The following STAG1 variants were observed in gnomAD, a reference collection of about 807,000 sequenced individuals.
STAG1 encodes the protein STAG1 cohesin complex component.
Under a neutral mutation model 170.9 loss-of-function variants are expected in STAG1, and 26 were observed. The ratio of observed to expected loss-of-function variants is 0.15; its 90% CI spans 0.11 to 0.21. The LOEUF is 0.21. Among genes scored for constraint, STAG1 ranks in the 10% least tolerant of loss-of-function variants. STAG1 has a pLI of 1.00. For synonymous variants in STAG1, 514 were observed against 497.7 expected, an observed-to-expected ratio of 1.03 and a Z score of -0.44; for missense variants, 964 against 1,509.5, an observed-to-expected ratio of 0.64 and a Z score of 5.99.
intron 9 of STAG1, among the ~76,000 whole-genome samples, chr3:136,490,510 A>G (rs1483207041): frequency 6.6e-6 from 1 of 152,206 alleles, no homozygotes; most frequent in African/African-American, 2.4e-5. Context: ...TTACGCCTTA[A>G]TATTTTACTA....
At chr3:136,442,499 A>G (rs1055019458) in intron 15 of STAG1, among the ~76,000 whole-genome samples, 1 of 152,212 alleles carries the variant, frequency 6.6e-6, no homozygotes, top group Non-Finnish European at 1.5e-5. Flanking sequence ...TACTTCAAAA[A>G]TTATCATGTG....
At chr3:136,714,981 TATATATATATTTTATATATATA>T (rs1943494998) in intron 1 of STAG1, among the ~76,000 whole-genome samples, 3 of 109,552 alleles carry the variant, frequency 2.7e-5, no homozygotes, top group African/African-American at 5.9e-5. Flanking sequence ...TATATATTTT[TATATATATATTTTATATATATA>T]ATATATATAT....
chr3:136,548,119 G>GT (rs112244750), intron 5 of STAG1, among the ~76,000 whole-genome samples: 2,888 of 142,150 alleles, frequency 0.02, 44 homozygotes, highest in African/African-American at 0.037. Context: ...GTTTTGTTTT[G>GT]TTTTTTTTTT....
At chr3:136,668,398 A>ATATATT (rs1559940360) in intron 1 of STAG1, among the ~76,000 whole-genome samples, 1 of 146,220 alleles carries the variant, frequency 6.8e-6, no homozygotes, top group Non-Finnish European at 1.5e-5. Flanking sequence ...TAAAATATAT[A>ATATATT]TTATGTATAA....
intron 20 of STAG1, among the ~76,000 whole-genome samples, chr3:136,420,836 A>G (rs1241110187): frequency 6.6e-6 from 1 of 152,230 alleles, no homozygotes; most frequent in African/African-American, 2.4e-5. Flanking sequence ...GTGCAGAGGC[A>G]CGATCTCGGC....
intron 6 of STAG1, among the ~76,000 whole-genome samples, chr3:136,537,632 C>G (rs1935702395): frequency 6.6e-6 from 1 of 151,528 alleles, no homozygotes; most frequent in African/African-American, 2.4e-5. Context: ...TCCCCATTAG[C>G]TGGGATTACA....
chr3:136,511,859 C>T (rs1239425670), intron 7 of STAG1, among the ~76,000 whole-genome samples: 2 of 151,986 alleles, frequency 1.3e-5, no homozygotes, highest in African/African-American at 2.4e-5. Context: ...TAACCCCTAA[C>T]CACAATATAA....
chr3:136,522,693 A>T (rs977080011), intron 6 of STAG1, among the ~76,000 whole-genome samples: 1 of 149,894 alleles, frequency 6.7e-6, no homozygotes, highest in Non-Finnish European at 1.5e-5. Context: ...TACATGAGGT[A>T]TATCTCCTAA....
chr3:136,397,790 T>C (rs2087208600), intron 22 of STAG1, among the ~76,000 whole-genome samples: 1 of 152,098 alleles, frequency 6.6e-6, no homozygotes, highest in Admixed American at 6.6e-5. Flanking sequence ...TTACTTTTTT[T>C]CATTTAATCC....
chr3:136,511,986 T>C (rs185846672), intron 7 of STAG1, among the ~76,000 whole-genome samples: 59 of 148,810 alleles, frequency 4.0e-4, no homozygotes, highest in Admixed American at 3.2e-3. Context: ...CGTGTGGTGG[T>C]GGGCACACCT....
chr3:136,653,527 G>C (rs369623786), intron 1 of STAG1, among the ~76,000 whole-genome samples: 6 of 151,978 alleles, frequency 3.9e-5, no homozygotes, highest in African/African-American at 1.4e-4. Flanking sequence ...TTTATTGTGT[G>C]CCAGCCACTA....
At chr3:136,461,878 T>C (rs1306985645) in intron 13 of STAG1, among the ~76,000 whole-genome samples, 2 of 152,084 alleles carry the variant, frequency 1.3e-5, no homozygotes, top group Admixed American at 1.3e-4. Flanking sequence ...AATTTACAAA[T>C]GGGCAAATGA....
intron 22 of STAG1, among the ~76,000 whole-genome samples, chr3:136,378,967 C>T (rs1370291348): frequency 6.6e-6 from 1 of 152,162 alleles, no homozygotes. Flanking sequence ...ATACAGATGA[C>T]AGCACTTAGT....
At chr3:136,716,854 G>T (rs1382622334) in intron 1 of STAG1, among the ~76,000 whole-genome samples, 5 of 152,188 alleles carry the variant, frequency 3.3e-5, no homozygotes, top group African/African-American at 4.8e-5. Context: ...CTAACTAATT[G>T]TAAGACTTTC....
chr3:136,515,134 G>A (rs1429758605), intron 7 of STAG1, among the ~76,000 whole-genome samples: 1 of 152,124 alleles, frequency 6.6e-6, no homozygotes, highest in African/African-American at 2.4e-5. Context: ...GGAGGCCAAG[G>A]TGGGCGGACT....
chr3:136,482,037 T>A (rs1193122028), intron 9 of STAG1, among the ~76,000 whole-genome samples: 1 of 40,990 alleles, frequency 2.4e-5, no homozygotes, highest in Non-Finnish European at 5.0e-5. Context: ...AGCTCCTGGA[T>A]TCATTGATTT....
At chr3:136,633,953 G>A (rs1484910592) in intron 1 of STAG1, among the ~76,000 whole-genome samples, 4 of 75,476 alleles carry the variant, frequency 5.3e-5, no homozygotes, top group African/African-American at 1.6e-4. Context: ...GTGAAACCCT[G>A]TCTCTACTTA....
At chr3:136,357,350 G>A (rs1475594350) in intron 28 of STAG1, among the ~76,000 whole-genome samples, 1 of 151,764 alleles carries the variant, frequency 6.6e-6, no homozygotes, top group African/African-American at 2.4e-5. Context: ...ATCAAAAAAA[G>A]CAAATATGAA....
At chr3:136,685,318 A>AAAACAAAC (rs142305961) in intron 1 of STAG1, among the ~76,000 whole-genome samples, 18 of 151,782 alleles carry the variant, frequency 1.2e-4, no homozygotes, top group South Asian at 4.2e-4. Context: ...TTCCTCTCCA[A>AAAACAAAC]AAACAAACAA....
Sources: gnomAD v4.1 joint callset for allele counts (sites outside exome capture counted in the v4.1 genomes callset) on GRCh38, gnomAD v4.1.1 for gene constraint, MANE v1.5 for transcripts, NCBI Gene and HGNC (gene_info 2026-07-23, HGNC 2026-07-21) for gene names.